Variants in PKNOX2 observed in about 807,000 individuals in gnomAD.
The protein encoded by PKNOX2 is PBX/knotted 1 homeobox 2, also known as homeobox protein PKNOX2.
A neutral mutation model predicts 53.1 loss-of-function variants in PKNOX2; 14 were observed. The observed-to-expected ratio is 0.26, with a 90% CI of 0.17 to 0.41. The LOEUF is 0.41. Ranked by LOEUF, PKNOX2 falls within the 10% of genes least tolerant of loss-of-function variation. The pLI is 1.00. For missense variants in PKNOX2, 496 were observed against 602.8 expected (o/e 0.82, Z 1.85); for synonymous variants, 257 against 242.8 (o/e 1.06, Z -0.54).
chr11:125,170,642 G>A (rs1955228077), intron 1 of PKNOX2, among the ~76,000 whole-genome samples: 1 of 152,196 alleles, frequency 6.6e-6, no homozygotes, highest in Admixed American at 6.5e-5. Context: ...CGGCCTGCCT[G>A]GGTTTCTAAT....
chr11:125,343,043 G>A (rs960344498), intron 3 of PKNOX2, among the ~76,000 whole-genome samples: 3 of 151,914 alleles, frequency 2.0e-5, no homozygotes, highest in African/African-American at 7.3e-5. Flanking sequence ...TTCCAAGGGG[G>A]CCACAGGCTG....
At position 125,165,428 on chromosome 11, in the gene PKNOX2, C is replaced by T. The variant is rs1201342704; in HGVS notation, c.-201+652C>T. Reference sequence around the variant, plus strand: ...TTCTCTTTCTCCCGGCTTCGGGCGTCCTTGGGGCCGGCGCTTACTCCGCGC... The same window carrying T: ...TTCTCTTTCTCCCGGCTTCGGGCGTTCTTGGGGCCGGCGCTTACTCCGCGC... On this transcript the variant is annotated intron_variant, in intron 1 of 12. Transcript: ENST00000298282. The surrounding 1 kb of genome is among the most constrained non-coding windows in gnomAD (Gnocchi z 4.5). Among the ~76,000 whole-genome samples, 3 of 152,150 alleles carry T rather than the reference C, an allele frequency of 2.0e-5. No homozygotes were observed. Among genetic ancestry groups the T allele is most frequent in the Non-Finnish European group, 4.4e-5 (3 of 68,014 alleles).
chr11:125,346,095 G>C (rs1950955636), intron 3 of PKNOX2, among the ~76,000 whole-genome samples: 1 of 151,340 alleles, frequency 6.6e-6, no homozygotes, highest in African/African-American at 2.4e-5. Context: ...GGTCCCTCCT[G>C]CTGAGTTCAC....
At chr11:125,241,153 T>C (rs527961795) in intron 2 of PKNOX2, among the ~76,000 whole-genome samples, 1 of 152,170 alleles carries the variant, frequency 6.6e-6, no homozygotes, top group Non-Finnish European at 1.5e-5. Context: ...TCTACTTTCC[T>C]AACTTCATCT....
At position 125,417,684 on chromosome 11, in the gene PKNOX2, A is replaced by C. The variant is rs531270750; in HGVS notation, c.936+5819A>C. 1.3e-4 allele frequency among the ~76,000 whole-genome samples: 20 copies of C among 152,150 alleles called. 2 individuals carry two copies. The South Asian group carries it at 3.9e-3, about 30-fold the overall frequency. On this transcript the variant is annotated intron_variant, in intron 10 of 12. Coordinates refer to ENST00000298282, the MANE Select transcript of PKNOX2 (RefSeq NM_001382323.2). The stretch of plus-strand genomic sequence containing the variant: ...TGGCTCCCATGCAAAGTCTGGGTAA[A>C]GCAAAGGGGAACCCCAACGCCCAGC...
chr11:125,359,647 C>T (rs926809301), intron 4 of PKNOX2, among the ~76,000 whole-genome samples: 50 of 152,202 alleles, frequency 3.3e-4, no homozygotes, highest in Middle Eastern at 3.2e-3. Context: ...CTTGGCTTCT[C>T]TCCTGGTTGC....
At chr11:125,408,783 A>G (rs961447113) in intron 7 of PKNOX2, among the ~76,000 whole-genome samples, 4 of 152,072 alleles carry the variant, frequency 2.6e-5, no homozygotes, top group Non-Finnish European at 5.9e-5. Flanking sequence ...CTTCGTTGCT[A>G]CAGGTAGGCA....
At chr11:125,429,209 C>T in intron 11 of PKNOX2, 121 bp downstream of exon 11, 1 of 921,276 alleles carries the variant, frequency 1.1e-6, no homozygotes, top group Non-Finnish European at 1.7e-6. Flanking sequence ...AGCCCAGCTA[C>T]CATGCCAGTC....
chr11:125,412,275 G>A (rs1955607923), intron 10 of PKNOX2, among the ~76,000 whole-genome samples: 1 of 152,176 alleles, frequency 6.6e-6, no homozygotes. Flanking sequence ...AGAATGTGTT[G>A]ACTCTGCCAG....
At chr11:125,297,226 A>G (rs140426015) in intron 2 of PKNOX2, among the ~76,000 whole-genome samples, 68 of 152,358 alleles carry the variant, frequency 4.5e-4, no homozygotes, top group African/African-American at 1.5e-3. Context: ...CAATATTTAC[A>G]TATTTAAACT....
At chr11:125,364,497 T>C (rs761182724) in intron 4 of PKNOX2, among the ~76,000 whole-genome samples, 7 of 152,096 alleles carry the variant, frequency 4.6e-5, no homozygotes, top group Non-Finnish European at 1.0e-4. Flanking sequence ...GGGGACTTCA[T>C]CCTCCTTCAT....
chr11:125,308,312 G>GA (rs1464308143), intron 2 of PKNOX2, among the ~76,000 whole-genome samples: 8 of 152,200 alleles, frequency 5.3e-5, no homozygotes, highest in Non-Finnish European at 1.2e-4. Context: ...CTGCCTCGGA[G>GA]CTCAGGAGGA....
chr11:125,183,995 G>T (rs535228842), intron 1 of PKNOX2, among the ~76,000 whole-genome samples: 1 of 152,314 alleles, frequency 6.6e-6, no homozygotes, highest in East Asian at 1.9e-4. Flanking sequence ...AATTTATTTA[G>T]CACCCACTGT....
intron 1 of PKNOX2, chr11:125,191,380 A>C (rs1956867074): frequency 6.6e-6 from 1 of 152,256 alleles, no homozygotes. Context: ...TTTAGAAAGC[A>C]GAATAAACCA....
intron 10 of PKNOX2, among the ~76,000 whole-genome samples, chr11:125,427,455 A>T (rs531493401): frequency 6.6e-6 from 1 of 152,304 alleles, no homozygotes; most frequent in South Asian, 2.1e-4. Context: ...CGATAATGCG[A>T]GTACCACCAA....
At chr11:125,313,486 AGCTCCTGCTG>A (rs1398247600) in intron 2 of PKNOX2, among the ~76,000 whole-genome samples, 17 of 152,334 alleles carry the variant, frequency 1.1e-4, no homozygotes, top group African/African-American at 3.8e-4. Flanking sequence ...ATCCTCACAG[AGCTCCTGCTG>A]GCTGTGAGCA....
At chr11:125,205,629 C>T (rs1364215754) in intron 1 of PKNOX2, among the ~76,000 whole-genome samples, 1 of 151,994 alleles carries the variant, frequency 6.6e-6, no homozygotes, top group Non-Finnish European at 1.5e-5. Context: ...TTCTATCTCT[C>T]TAAGTAGCCC....
chr11:125,333,530 C>A (rs1950253859), intron 3 of PKNOX2, among the ~76,000 whole-genome samples: 1 of 143,560 alleles, frequency 7.0e-6, no homozygotes, highest in Non-Finnish European at 1.5e-5. Context: ...CCCTCTCAGT[C>A]CCAAGACACA....
At chr11:125,353,291 C>G (rs1228166327) in intron 4 of PKNOX2, among the ~76,000 whole-genome samples, 1 of 152,204 alleles carries the variant, frequency 6.6e-6, no homozygotes, top group Non-Finnish European at 1.5e-5. Context: ...GTTGGCATGA[C>G]TGATGGTGGC....
Sources: gnomAD v4.1 joint callset for allele counts (sites outside exome capture counted in the v4.1 genomes callset) on GRCh38, gnomAD v4.1.1 for gene constraint, Gnocchi (gnomAD v3.1) non-coding constraint, MANE v1.5 for transcripts, NCBI Gene and HGNC (gene_info 2026-07-23, HGNC 2026-07-21) for gene names.